The following PIP4P1 variants were observed in gnomAD, a reference collection of about 807,000 sequenced individuals.
PIP4P1 encodes type 1 phosphatidylinositol 4,5-bisphosphate 4-phosphatase.
PIP4P1 carries 14 observed loss-of-function variants against 32.3 expected under a neutral mutation model. The observed-to-expected ratio is 0.43, with a 90% CI of 0.29 to 0.68. The LOEUF (loss-of-function observed/expected upper bound fraction) is 0.68, where lower values mean the gene tolerates loss of function less well. PIP4P1 is among the 30% of genes least tolerant of loss of function. The pLI is 0.15. For missense variants in PIP4P1, 289 were observed against 364.5 expected (o/e 0.79, Z 1.69); for synonymous variants, 132 against 137.9 (o/e 0.96, Z 0.30).
intron 3 of PIP4P1, 198 bp downstream of exon 3, chr14:20,459,994 C>T (rs1367740274): frequency 2.1e-5 from 13 of 627,644 alleles, no homozygotes; most frequent in Non-Finnish European, 3.4e-5. Flanking sequence ...CTCTATTCTC[C>T]GAAACGACAT....
At position 20,457,705 on chromosome 14, in the gene PIP4P1, G is replaced by T; in HGVS notation, c.*854C>A. The T allele has an allele frequency of 1.4e-6, 1 of 691,666 alleles. No individual in the cohort carries two copies. The highest frequency in any genetic ancestry group is 1.9e-5 in the South Asian group (1 of 53,276). 42.8% of individuals were successfully genotyped at this position (691,666 alleles called of 1,614,324 possible). A position where few individuals can be genotyped will look rare whatever the true frequency, so the allele number is the denominator to read the frequency against. On this transcript the variant is annotated 3_prime_UTR_variant, in exon 7 of 7. Coordinates refer to ENST00000250489, the MANE Select transcript of PIP4P1 (RefSeq NM_144568.4). ...GTTTTTTGTTTTTTAAAAAAAAATT[G>T]AACAAAGACTACTAATGACTTTGTT...
chr14:20,458,345 C>T lies in PIP4P1; in HGVS notation c.*214G>A. ...GCCTACTTCACCCTAGACACAGCAA[C>T]CCTTGGAGGAAAGCAGATGGTCAGC... On this transcript the variant is annotated 3_prime_UTR_variant, in exon 7 of 7. Transcript: ENST00000250489. 1.3e-6 allele frequency: 1 copy of T among 744,886 alleles called. No homozygotes were observed. Among genetic ancestry groups the T allele is most frequent in the Non-Finnish European group, 2.3e-6 (1 of 426,944 alleles). 46.1% of individuals were successfully genotyped at this position (744,886 alleles called of 1,614,324 possible). A position where few individuals can be genotyped will look rare whatever the true frequency, so the allele number is the denominator to read the frequency against.
intron 2 of PIP4P1, 122 bp from the exon 3 acceptor site, chr14:20,460,420 A>G: frequency 1.2e-6 from 1 of 815,188 alleles, no homozygotes; most frequent in Non-Finnish European, 2.0e-6. Context: ...AATAAAAGAA[A>G]GACTATATCA....
In PIP4P1 at chr14:20,457,913, A is replaced by G; in HGVS notation, c.*646T>C. ...CAGGATAAGTCCCTAACCTCCCCCA[A>G]AGACTGAGCAACCCTACCCAGCCCA... On this transcript the variant is annotated 3_prime_UTR_variant, in exon 7 of 7. Transcript: ENST00000250489. 9.1e-6 allele frequency: 3 copies of G among 328,882 alleles called. No homozygotes were observed. Among genetic ancestry groups the G allele is most frequent in the South Asian group, 5.2e-5 (2 of 38,302 alleles). The allele number at this position is 328,882 out of a possible 1,614,324, so 20.4% of individuals were successfully genotyped here.
In PIP4P1 at chr14:20,460,310, T is replaced by C. The variant is rs771001499; in HGVS notation, c.334-12A>G. The C allele has an allele frequency of 1.7e-5, 27 of 1,597,548 alleles. No homozygotes were observed. Among genetic ancestry groups the C allele is most frequent in the Admixed American group, 1.0e-4 (6 of 59,768 alleles). On this transcript the variant is annotated splice_polypyrimidine_tract_variant and intron_variant, in intron 2 of 6. Transcript: ENST00000250489. Reference sequence around the variant, plus strand: ...GCATTCTTGATTGGCTAGAGAATAATAGGGTCATCAGCAAGCAAACCTCTA... The same window carrying C: ...GCATTCTTGATTGGCTAGAGAATAACAGGGTCATCAGCAAGCAAACCTCTA...
intron 6 of PIP4P1, 65 bp from the exon 7 acceptor site, chr14:20,458,767 ATTAG>A: frequency 2.6e-6 from 4 of 1,553,786 alleles, no homozygotes; most frequent in Middle Eastern, 1.7e-4. Flanking sequence ...ACTACCTCCT[ATTAG>A]TTCTAAGAAC....
At position 20,458,490 on chromosome 14, in the gene PIP4P1, C is replaced by T. The variant is rs899852716; in HGVS notation, c.*69G>A. On this transcript the variant is annotated 3_prime_UTR_variant, in exon 7 of 7. Coordinates refer to ENST00000250489, the MANE Select transcript of PIP4P1 (RefSeq NM_144568.4). The stretch of plus-strand genomic sequence containing the variant: ...AGAAGCCCCGGGAGCCTTTAACTAC[C>T]CCAGCTCCCTTCGTAGTGTCACTGT... 23 of 1,602,000 alleles carry T rather than the reference C, an allele frequency of 1.4e-5. No individual in the cohort carries two copies. In the African/African-American group the frequency reaches 3.1e-4, roughly 22 times the overall value.
In PIP4P1 at chr14:20,458,073, G is replaced by A; in HGVS notation, c.*486C>T. On this transcript the variant is annotated 3_prime_UTR_variant, in exon 7 of 7. Transcript: ENST00000250489. ...TGTGGTTCTGTACAGAGCAGCGGCT[G>A]ACCCCACCCCCACAGGACACAATGT... 2.8e-6 allele frequency: 1 copy of A among 353,390 alleles called. No homozygotes were observed. Among genetic ancestry groups the A allele is most frequent in the South Asian group, 2.1e-5 (1 of 46,548 alleles). 21.9% of individuals were successfully genotyped at this position (353,390 alleles called of 1,614,324 possible).
Position 20,459,725 on chromosome 14 carries a change from A to G in PIP4P1, c.449T>C (p.Ile150Thr). Residue 150 changes from isoleucine to threonine, a missense_variant, in exon 4 of 7, where the codon ATC becomes ACC. Ile to Thr is a moderately conservative substitution (Grantham distance 89). Transcript: ENST00000250489. ...GGGATGCACAGGCCCCAGGTTGATG[A>G]TTCTTTTGCTATACAAAAGAAAAAG... ...IACPRPYCKRIINLGPVHPGP... is the reference protein window; with the variant it reads ...IACPRPYCKRTINLGPVHPGP... 1 of 1,613,638 alleles carries G rather than the reference A, an allele frequency of 6.2e-7. No homozygotes were observed. Among genetic ancestry groups the G allele is most frequent in the Non-Finnish European group, 8.5e-7 (1 of 1,179,804 alleles).
Position 20,461,312 on chromosome 14 carries a change from C to A in PIP4P1, c.14G>T (p.Gly5Val). Residue 5 changes from glycine (G) to valine (V), a missense_variant, in exon 1 of 7, where the codon GGA (glycine) becomes GTA (valine). Gly to Val is a moderately radical substitution (Grantham distance 109, BLOSUM62 -3). Coordinates refer to ENST00000250489, the MANE Select transcript of PIP4P1 (RefSeq NM_144568.4). ...CTCAGACAGCAGCGGGGAACGCTCT[C>A]CATCTGCCGCCATGGCCGCCACCGC... is the stretch of plus-strand genomic sequence containing the variant. MAAD[G>V]ERSPLLSEPI... 7.8e-7 allele frequency: 1 copy of A among 1,288,842 alleles called. No individual in the cohort carries two copies. Among genetic ancestry groups the A allele is most frequent in the Admixed American group, 3.2e-5 (1 of 31,580 alleles). The allele number at this position is 1,288,842 out of a possible 1,614,324, so 79.8% of individuals were successfully genotyped here. A position where few individuals can be genotyped will look rare whatever the true frequency, so the allele number is the denominator to read the frequency against.
rs1023072874 is a variant in PIP4P1 at position 20,461,390 on chromosome 14, A to AGCCACC, written c.-71_-66dup. 220 of 1,233,700 alleles carry AGCCACC rather than the reference A, an allele frequency of 1.8e-4. No homozygotes were observed. The highest frequency in any genetic ancestry group is 1.1e-3 in the East Asian group (36 of 31,802). The allele number at this position is 1,233,700 out of a possible 1,614,324, so 76.4% of individuals were successfully genotyped here. On this transcript the variant is annotated 5_prime_UTR_variant, in exon 1 of 7. Coordinates refer to ENST00000250489, the MANE Select transcript of PIP4P1 (RefSeq NM_144568.4). The stretch of plus-strand genomic sequence containing the variant: ...CTCCCTTCGCCTCTGCCGTCGCCGC[A>AGCCACC]GCCACCGCCACCGCCGCCACCGCCA...
Position 20,460,945 on chromosome 14 carries a change from C to A in PIP4P1, c.143-100G>T, listed in dbSNP as rs1036949266. On this transcript the variant is annotated intron_variant, in intron 1 of 6. Transcript: ENST00000250489. ...TCTGATCTTCAACCCTCTGACCAAG[C>A]TCGGAGGGCTTCTCATAATTGGCAC... is the stretch of plus-strand genomic sequence containing the variant. 12 of 1,356,372 alleles carry A rather than the reference C, an allele frequency of 8.8e-6. No individual in the cohort carries two copies. The African/African-American group carries it at 1.7e-4, about 19-fold the overall frequency. 84.0% of individuals were successfully genotyped at this position (1,356,372 alleles called of 1,614,324 possible).
At position 20,458,692 on chromosome 14, in the gene PIP4P1, C is replaced by G; in HGVS notation, c.701G>C (p.Trp234Ser). ...GCCTCCATATCGCCGTGCATGCTTC[C>G]ATGTGCCAAACTGATGAAGATAAGG... is the stretch of plus-strand genomic sequence containing the variant. ...VTATGLAFGT[W>S]KHARRYGGIY... is the part of the protein sequence containing the mutation. Residue 234 changes from tryptophan (W) to serine (S), a missense_variant, in exon 7 of 7, where the codon TGG becomes TCG. Coordinates refer to ENST00000250489, the MANE Select transcript of PIP4P1 (RefSeq NM_144568.4). 6.2e-7 allele frequency: 1 copy of G among 1,612,340 alleles called. No individual in the cohort carries two copies. The highest frequency in any genetic ancestry group is 8.5e-7 in the Non-Finnish European group (1 of 1,179,308).
chr14:20,457,892 A>G lies in PIP4P1; in HGVS notation c.*667T>C, dbSNP rs1009205068. The G allele has an allele frequency of 5.8e-6, 2 of 347,366 alleles. No individual in the cohort carries two copies. Among genetic ancestry groups the G allele is most frequent in the South Asian group, 2.4e-5 (1 of 41,660 alleles). 21.5% of individuals were successfully genotyped at this position (347,366 alleles called of 1,614,324 possible). On this transcript the variant is annotated 3_prime_UTR_variant, in exon 7 of 7. Coordinates refer to ENST00000250489, the MANE Select transcript of PIP4P1 (RefSeq NM_144568.4). ...GACCTTATTTATTTACAAGCACAGG[A>G]TAAGTCCCTAACCTCCCCCAAAGAC...
chr14:20,458,747 G>A (rs1483113492), intron 6 of PIP4P1, 45 bp from the exon 7 acceptor site: 2 of 1,587,002 alleles, frequency 1.3e-6, no homozygotes. Context: ...TGGGGTTAAT[G>A]TTGGTCTCCA....
At position 20,460,780 on chromosome 14, in the gene PIP4P1, G is replaced by A; in HGVS notation, c.208C>T (p.Pro70Ser). ...LPGEDPPPYS[P>S]LTSPDSGSAP... ...CTCCCACTGTCCGGGCTAGTTAAGG[G>A]TGAATAGGGGGGTGGGTCCTCCCCA... is the stretch of plus-strand genomic sequence containing the variant. The change falls in exon 2 of 7, where the codon CCC (proline) becomes TCC (serine). Residue 70 changes from proline to serine, a missense_variant. Physicochemically the swap from Pro to Ser is moderately conservative, Grantham distance 74. This residue lies in a region of PIP4P1 where 108 missense variants were observed against 101.2 expected (regional missense o/e 1.07). Coordinates refer to ENST00000250489, the MANE Select transcript of PIP4P1 (RefSeq NM_144568.4). The A allele has an allele frequency of 6.2e-7, 1 of 1,605,676 alleles. No homozygotes were observed. The highest frequency in any genetic ancestry group is 8.5e-7 in the Non-Finnish European group (1 of 1,176,170).
chr14:20,458,634 C>T lies in PIP4P1; in HGVS notation c.759G>A (p.Leu253=). ...GAGCCCGGCCCAAACACAGCACAGC[C>T]AACAGGATGACAAATGCCCAGGCTG... The part of the protein sequence containing the change: ...IYAAWAFVIL[L]AVLCLGRALY... The change falls in exon 7 of 7, where the codon TTG becomes TTA. Residue 253 remains leucine, a synonymous_variant. Transcript: ENST00000250489. The T allele has an allele frequency of 6.2e-7, 1 of 1,614,220 alleles. No homozygotes were observed. The highest frequency in any genetic ancestry group is 1.1e-5 in the South Asian group (1 of 91,090).
rs1594420454 is a variant in PIP4P1 at position 20,461,069 on chromosome 14, A to G, written c.142+115T>C. The G allele has an allele frequency of 4.0e-6, 5 of 1,263,688 alleles. No homozygotes were observed. The East Asian group carries it at 1.6e-4, about 39-fold the overall frequency. The allele number at this position is 1,263,688 out of a possible 1,614,324, so 78.3% of individuals were successfully genotyped here. ...CCAGTCACAGGTGCAGCAGTCCCGC[A>G]CCTGGCGACTGGGACCCGCCTCCGC... On this transcript the variant is annotated intron_variant, in intron 1 of 6. Coordinates refer to ENST00000250489, the MANE Select transcript of PIP4P1 (RefSeq NM_144568.4).
intron 6 of PIP4P1, 114 bp downstream of exon 6, chr14:20,459,092 A>C (rs1735643210): frequency 4.3e-6 from 5 of 1,157,812 alleles, no homozygotes; most frequent in Non-Finnish European, 6.2e-6. Flanking sequence ...TCTTAAAACA[A>C]AACAAACTAG....
Sources: allele counts gnomAD v4.1 joint callset, GRCh38; gene constraint gnomAD v4.1.1; regional missense constraint gnomAD v4.1.1; transcripts MANE v1.5; gene names NCBI Gene and HGNC (gene_info 2026-07-23, HGNC 2026-07-21).